The following RAI1 variants were observed in gnomAD, a reference collection of about 807,000 sequenced individuals.
The protein encoded by RAI1 is retinoic acid-induced protein 1.
A neutral mutation model predicts 123.8 loss-of-function variants in RAI1; 9 were observed. The ratio of observed to expected loss-of-function variants is 0.07; its 90% CI spans 0.04 to 0.13. The LOEUF (loss-of-function observed/expected upper bound fraction) is 0.13, where lower values mean the gene tolerates loss of function less well. Ranked by LOEUF, RAI1 falls within the 10% of genes least tolerant of loss-of-function variation. The pLI is 1.00. For missense variants in RAI1, 2,256 were observed against 2,545.8 expected (o/e 0.89, Z 2.45); for synonymous variants, 1,231 against 1,127.3 (o/e 1.09, Z -1.84).
At position 17,685,591 on chromosome 17, in the gene RAI1, G is replaced by A. The variant is rs73981021; in HGVS notation, c.-149+3798G>A. 9.6e-3 allele frequency among the ~76,000 whole-genome samples: 1,459 copies of A among 152,302 alleles called. 22 individuals are homozygous for A. The highest frequency in any genetic ancestry group is 0.031 in the African/African-American group (1,287 of 41,554). The stretch of plus-strand genomic sequence containing the variant: ...GACTTGGCTCAGAAAGAATGGTGGC[G>A]GAAGAGGTTGGGCTGTTGCTGGGAC... On this transcript the variant is annotated intron_variant, in intron 1 of 5. Transcript: ENST00000353383. The surrounding 1 kb of genome is among the most constrained non-coding windows in gnomAD (Gnocchi z 4.0).
intron 2 of RAI1, among the ~76,000 whole-genome samples, chr17:17,724,907 G>C: frequency 6.6e-6 from 1 of 152,132 alleles, no homozygotes; most frequent in Non-Finnish European, 1.5e-5. Context: ...CTCCCCGCAC[G>C]AGAGCCTGCC....
At chr17:17,775,532 A>G (rs375194449) in intron 2 of RAI1, among the ~76,000 whole-genome samples, 5 of 53,868 alleles carry the variant, frequency 9.3e-5, no homozygotes, top group Admixed American at 7.2e-4. Context: ...TCCCCAGTCA[A>G]TTAACACACA....
intron 1 of RAI1, among the ~76,000 whole-genome samples, chr17:17,691,924 C>T (rs1037942812): frequency 6.6e-6 from 1 of 152,124 alleles, no homozygotes; most frequent in Non-Finnish European, 1.5e-5. Context: ...AGAGGAAAAA[C>T]AATATTTTCA....
chr17:17,732,479 CA>C (rs565622500), intron 2 of RAI1, among the ~76,000 whole-genome samples: 73 of 152,300 alleles, frequency 4.8e-4, no homozygotes, highest in Non-Finnish European at 7.4e-4. Flanking sequence ...TGTGTGATGC[CA>C]GGCAGGTGAC....
In RAI1 at chr17:17,809,368, C is replaced by A. The variant is rs1248805398; in HGVS notation, c.5660-22C>A. 3.1e-6 allele frequency: 5 copies of A among 1,598,418 alleles called. No individual in the cohort carries two copies. The highest frequency in any genetic ancestry group is 1.3e-5 in the African/African-American group (1 of 74,678). ...GGGGCCCCCACCCTGTCCTAACCAC[C>A]GAAACTTCTCTTTGGTCACAGGTTG... On this transcript the variant is annotated intron_variant, in intron 4 of 5. Coordinates refer to ENST00000353383, the MANE Select transcript of RAI1 (RefSeq NM_030665.4). The surrounding 1 kb of genome is among the most constrained non-coding windows in gnomAD (Gnocchi z 4.9).
chr17:17,713,983 G>C (rs1239759042), intron 1 of RAI1, among the ~76,000 whole-genome samples: 1 of 152,064 alleles, frequency 6.6e-6, no homozygotes, highest in East Asian at 1.9e-4. Context: ...CAAGTCACAG[G>C]ACCAGAGATC....
intron 1 of RAI1, chr17:17,682,351 CGGCCCCGGGGCCTGTGCGCA>C (rs1476804770): frequency 1.3e-5 from 2 of 151,128 alleles, no homozygotes; most frequent in Middle Eastern, 3.4e-3. Flanking sequence ...ACCCGGGCAG[CGGCCCCGGGGCCTGTGCGCA>C]GGCCCCGAGG....
chr17:17,696,743 C>T (rs1268140895), intron 1 of RAI1, among the ~76,000 whole-genome samples: 2 of 152,198 alleles, frequency 1.3e-5, no homozygotes, highest in Non-Finnish European at 2.9e-5. Context: ...CAGGGACATG[C>T]AAGACTCATG....
At chr17:17,713,714 G>A (rs1915632505) in intron 1 of RAI1, among the ~76,000 whole-genome samples, 1 of 152,158 alleles carries the variant, frequency 6.6e-6, no homozygotes, top group Admixed American at 6.5e-5. Context: ...TAGGGTGAAG[G>A]GGATTCTGGA....
intron 2 of RAI1, among the ~76,000 whole-genome samples, chr17:17,749,948 C>A (rs1380822278): frequency 6.6e-6 from 1 of 152,252 alleles, no homozygotes; most frequent in African/African-American, 2.4e-5. Context: ...CAGCAACAAA[C>A]CAACCTAGCA....
intron 1 of RAI1, among the ~76,000 whole-genome samples, chr17:17,704,517 G>T (rs182392418): frequency 2.0e-5 from 3 of 152,278 alleles, no homozygotes; most frequent in Admixed American, 6.5e-5. Context: ...GGGCAGTGGG[G>T]TGTGTAAAGG....
At position 17,810,840 on chromosome 17, in the gene RAI1, A is replaced by G. The variant is rs1440454368; in HGVS notation, c.*859A>G. 2 of 452,930 alleles carry G rather than the reference A, an allele frequency of 4.4e-6. No homozygotes were observed. Among genetic ancestry groups the G allele is most frequent in the Non-Finnish European group, 8.9e-6 (2 of 224,212 alleles). 28.1% of individuals were successfully genotyped at this position (452,930 alleles called of 1,614,324 possible). ...GCGCGACCGTTGTGCACCACCAGGG[A>G]CCGCCGCGCCTACTCTGCACGGGAG... On this transcript the variant is annotated 3_prime_UTR_variant, in exon 6 of 6. Coordinates refer to ENST00000353383, the MANE Select transcript of RAI1 (RefSeq NM_030665.4). The surrounding 1 kb of genome is among the most constrained non-coding windows in gnomAD (Gnocchi z 4.6).
At chr17:17,741,240 G>T (rs189832984) in intron 2 of RAI1, among the ~76,000 whole-genome samples, 10 of 152,036 alleles carry the variant, frequency 6.6e-5, no homozygotes, top group Non-Finnish European at 7.4e-5. Context: ...CATCTGACCA[G>T]CAGAGAAAAA....
chr17:17,791,353 C>T (rs1434258325), intron 2 of RAI1, among the ~76,000 whole-genome samples: 2 of 152,146 alleles, frequency 1.3e-5, no homozygotes, highest in Non-Finnish European at 2.9e-5. Flanking sequence ...TGGTGGGGTC[C>T]GGGCCAAGGA....
intron 1 of RAI1, among the ~76,000 whole-genome samples, chr17:17,721,346 A>G (rs1915874251): frequency 6.6e-6 from 1 of 152,236 alleles, no homozygotes; most frequent in South Asian, 2.1e-4. Context: ...AATACGGAAG[A>G]TACACCAAGG....
chr17:17,695,443 C>A (rs1215778787), intron 1 of RAI1, among the ~76,000 whole-genome samples: 2 of 152,186 alleles, frequency 1.3e-5, no homozygotes, highest in African/African-American at 4.8e-5. Context: ...GCTGCCAACA[C>A]TGCCCTGTCC....
At chr17:17,738,602 G>C (rs941938807) in intron 2 of RAI1, among the ~76,000 whole-genome samples, 1 of 152,182 alleles carries the variant, frequency 6.6e-6, no homozygotes, top group African/African-American at 2.4e-5. Context: ...ATGAGCCTGG[G>C]GTCCACCCCT....
At chr17:17,719,331 A>C (rs764939111) in intron 1 of RAI1, among the ~76,000 whole-genome samples, 1 of 151,726 alleles carries the variant, frequency 6.6e-6, no homozygotes, top group African/African-American at 2.4e-5. Context: ...CTTTCTGCTC[A>C]CTCCCCTCAA....
At chr17:17,786,037 AAAGCTCAG>A (rs2031815360) in intron 2 of RAI1, among the ~76,000 whole-genome samples, 1 of 152,176 alleles carries the variant, frequency 6.6e-6, no homozygotes, top group Non-Finnish European at 1.5e-5. Flanking sequence ...TTTCAAGGGA[AAAGCTCAG>A]AAGCTTTGGC....
Sources: allele counts gnomAD v4.1 joint callset (sites outside exome capture counted in the v4.1 genomes callset), GRCh38; gene constraint gnomAD v4.1.1; non-coding constraint Gnocchi (gnomAD v3.1); transcripts MANE v1.5; gene names NCBI Gene and HGNC (gene_info 2026-07-23, HGNC 2026-07-21).